SLC16A14: variants seen among roughly 807,000 people sequenced by gnomAD.
SLC16A14 encodes solute carrier family 16 member 14.
A neutral mutation model predicts 35.8 loss-of-function variants in SLC16A14; 14 were observed. The observed-to-expected ratio is 0.39, with a 90% CI of 0.26 to 0.61. The LOEUF is 0.61. Among genes scored for constraint, SLC16A14 ranks in the 20% least tolerant of loss-of-function variants. The pLI is 0.51. For synonymous variants in SLC16A14, 248 were observed against 258.9 expected (o/e 0.96, Z 0.40); for missense variants, 533 against 655.0 (o/e 0.81, Z 2.03).
At chr2:230,047,908 G>A (rs2077622599) in intron 3 of SLC16A14, among the ~76,000 whole-genome samples, 1 of 152,138 alleles carries the variant, frequency 6.6e-6, no homozygotes. Flanking sequence ...GGGAAAAAGA[G>A]AACTGTTATC....
Position 230,036,706 on chromosome 2 carries a change from A to G in SLC16A14, c.*674T>C, listed in dbSNP as rs1034932889. On this transcript the variant is annotated 3_prime_UTR_variant, in exon 5 of 5. Transcript: ENST00000295190. ...TATTTCTTTGTTAAGGTTTTGTCTCAAGATTCCATTTATAACTGGATAGCA... is the reference window on the plus strand; with the variant it reads ...TATTTCTTTGTTAAGGTTTTGTCTCGAGATTCCATTTATAACTGGATAGCA... 3.3e-5 allele frequency: 5 copies of G among 152,214 alleles called. No individual in the cohort carries two copies. The highest frequency in any genetic ancestry group is 1.2e-4 in the African/African-American group (5 of 41,444). 9.4% of individuals were successfully genotyped at this position (152,214 alleles called of 1,614,324 possible). A position where few individuals can be genotyped will look rare whatever the true frequency, so the allele number is the denominator to read the frequency against.
At chr2:230,059,583 C>T (rs528730858) in intron 1 of SLC16A14, among the ~76,000 whole-genome samples, 1 of 152,236 alleles carries the variant, frequency 6.6e-6, no homozygotes, top group East Asian at 1.9e-4. Flanking sequence ...ACAGCCATCA[C>T]ATATATAGGT....
In SLC16A14 at chr2:230,037,550, T is replaced by C. The variant is rs753104708; in HGVS notation, c.1382-19A>G. 20 of 1,582,850 alleles carry C rather than the reference T, an allele frequency of 1.3e-5. No individual in the cohort carries two copies. The South Asian group carries it at 2.2e-4, about 18-fold the overall frequency. On this transcript the variant is annotated intron_variant, in intron 4 of 4. Coordinates refer to ENST00000295190, the MANE Select transcript of SLC16A14 (RefSeq NM_152527.5). ...ATCCACCCTACAAAACAAAAAAGAA[T>C]ATATTCAGTGTCATGGAGTTGATAC... is the stretch of plus-strand genomic sequence containing the variant.
intron 4 of SLC16A14, among the ~76,000 whole-genome samples, chr2:230,040,477 C>A (rs2077552515): frequency 6.6e-6 from 1 of 152,188 alleles, no homozygotes; most frequent in Non-Finnish European, 1.5e-5. Context: ...CCGCCTCAGC[C>A]TCCCAAAGTG....
intron 2 of SLC16A14, 51 bp from the exon 3 acceptor site, chr2:230,049,955 T>C (rs533289467): frequency 2.5e-6 from 4 of 1,586,736 alleles, no homozygotes; most frequent in Admixed American, 1.7e-5. Flanking sequence ...TCCGTTTTAT[T>C]CTTTCTCATA....
intron 2 of SLC16A14, among the ~76,000 whole-genome samples, chr2:230,051,777 G>C (rs537362110): frequency 5.3e-5 from 8 of 152,190 alleles, no homozygotes; most frequent in African/African-American, 1.9e-4. Context: ...GTATATCTGG[G>C]TACAGTCAGC....
At chr2:230,044,600 G>A (rs2077586337) in intron 4 of SLC16A14, among the ~76,000 whole-genome samples, 1 of 152,106 alleles carries the variant, frequency 6.6e-6, no homozygotes, top group Non-Finnish European at 1.5e-5. Context: ...AATGAAAGTG[G>A]CCTCCAGATG....
intron 2 of SLC16A14, among the ~76,000 whole-genome samples, chr2:230,055,566 A>G (rs2077697824): frequency 6.6e-6 from 1 of 152,198 alleles, no homozygotes; most frequent in African/African-American, 2.4e-5. Flanking sequence ...TTCTGAACAC[A>G]CAGTTACCTG....
intron 4 of SLC16A14, among the ~76,000 whole-genome samples, chr2:230,039,337 T>G (rs2077541566): frequency 6.6e-6 from 1 of 152,182 alleles, no homozygotes; most frequent in African/African-American, 2.4e-5. Context: ...AAAAAAAATC[T>G]GACTCTTTAG....
At chr2:230,048,943 A>AAAAAAAAAAAG (rs562094733) in intron 3 of SLC16A14, among the ~76,000 whole-genome samples, 1 of 107,308 alleles carries the variant, frequency 9.3e-6, no homozygotes, top group Non-Finnish European at 1.9e-5. Flanking sequence ...AAAAAAAAAA[A>AAAAAAAAAAAG]AACAAATGAT....
intron 2 of SLC16A14, chr2:230,058,381 A>T (rs764231856): frequency 6.6e-6 from 1 of 152,196 alleles, no homozygotes; most frequent in Non-Finnish European, 1.5e-5. Context: ...TTGTTATATC[A>T]CACAAGAGAC....
At chr2:230,048,264 C>T (rs144841801) in intron 3 of SLC16A14, among the ~76,000 whole-genome samples, 1,628 of 152,216 alleles carry the variant, frequency 0.011, 6 homozygotes, top group Middle Eastern at 0.027. Context: ...AATAACTTGC[C>T]CAAAGTCACA....
intron 4 of SLC16A14, among the ~76,000 whole-genome samples, chr2:230,041,733 C>G (rs1187450223): frequency 1.3e-5 from 2 of 152,144 alleles, no homozygotes; most frequent in East Asian, 1.9e-4. Flanking sequence ...AATGTCTGTT[C>G]AATATCTCTG....
intron 3 of SLC16A14, among the ~76,000 whole-genome samples, chr2:230,048,957 TAA>T (rs1315105768): frequency 6.7e-6 from 1 of 149,692 alleles, no homozygotes; most frequent in East Asian, 1.9e-4. Flanking sequence ...AAATGATTAT[TAA>T]AGAGTAAATG....
At chr2:230,045,169 C>T (rs2077593798) in intron 4 of SLC16A14, among the ~76,000 whole-genome samples, 4 of 152,212 alleles carry the variant, frequency 2.6e-5, no homozygotes, top group Admixed American at 2.6e-4. Flanking sequence ...ATTCCATCAC[C>T]CCATCCACTT....
At chr2:230,055,973 T>C (rs1188643360) in intron 2 of SLC16A14, among the ~76,000 whole-genome samples, 1 of 152,246 alleles carries the variant, frequency 6.6e-6, no homozygotes, top group Non-Finnish European at 1.5e-5. Flanking sequence ...AGCCCGACAC[T>C]GAAATAAACC....
At position 230,049,793 on chromosome 2, in the gene SLC16A14, T is replaced by C. The variant is rs2077642792; in HGVS notation, c.371A>G (p.His124Arg). 2.5e-6 allele frequency: 4 copies of C among 1,614,038 alleles called. No individual in the cohort carries two copies. Among genetic ancestry groups the C allele is most frequent in the South Asian group, 2.2e-5 (2 of 91,082 alleles). Residue 124 changes from histidine (H) to arginine (R), a missense_variant, in exon 3 of 5, where the codon CAT becomes CGT. His to Arg is a conservative substitution (Grantham distance 29). Coordinates refer to ENST00000295190, the MANE Select transcript of SLC16A14 (RefSeq NM_152527.5). ...WVLSAYAANV[H>R]YLFITFGVAA... is the part of the protein sequence containing the mutation. The stretch of plus-strand genomic sequence containing the variant: ...GACTCCAAAAGTAATGAAGAGATAA[T>C]GCACGTTTGCAGCATAGGCACTCAA...
intron 3 of SLC16A14, among the ~76,000 whole-genome samples, chr2:230,047,997 T>C (rs1218570141): frequency 1.3e-5 from 2 of 152,230 alleles, no homozygotes; most frequent in Non-Finnish European, 2.9e-5. Flanking sequence ...TATAGATATA[T>C]ATTACAAGAA....
At chr2:230,050,745 C>T (rs2077653618) in intron 2 of SLC16A14, among the ~76,000 whole-genome samples, 1 of 152,174 alleles carries the variant, frequency 6.6e-6, no homozygotes, top group South Asian at 2.1e-4. Flanking sequence ...TACCTGTTAG[C>T]TAACATTTAC....
Sources: gnomAD v4.1 joint callset for allele counts (sites outside exome capture counted in the v4.1 genomes callset) on GRCh38, gnomAD v4.1.1 for gene constraint, MANE v1.5 for transcripts, NCBI Gene and HGNC (gene_info 2026-07-23, HGNC 2026-07-21) for gene names.